Variants in SCAND3 observed in about 807,000 individuals in gnomAD.
SCAND3 encodes SCAN domain containing 3.
At chr6:28,576,768 C>CT in the SCAND3 span, among the ~76,000 whole-genome samples, 959 of 141,156 alleles carry the variant, frequency 6.8e-3, 7 homozygotes, top group African/African-American at 0.017. Flanking sequence ...TATGCAAAGA[C>CT]TTTTTTTTTT....
chr6:28,611,197 G>A, the SCAND3 span, among the ~76,000 whole-genome samples: 6 of 152,222 alleles, frequency 3.9e-5, no homozygotes, highest in South Asian at 4.1e-4. Flanking sequence ...ACAAGTCCTG[G>A]TATACACTAC....
At chr6:28,607,998 A>G in the SCAND3 span, among the ~76,000 whole-genome samples, 1 of 152,316 alleles carries the variant, frequency 6.6e-6, no homozygotes, top group Admixed American at 6.5e-5. Context: ...TCCTCTGAGG[A>G]GGAAAGCCTC....
At chr6:28,579,161 T>A in the SCAND3 span, 1 of 988,952 alleles carries the variant, frequency 1.0e-6, no homozygotes, top group African/African-American at 1.6e-5. This position sits in a 1 kb window ranked among gnomAD's most constrained non-coding sequence, Gnocchi z 4.5. Context: ...TTCCTTCAAC[T>A]ATTAATACAT....
the SCAND3 span, among the ~76,000 whole-genome samples, chr6:28,603,102 A>T: frequency 6.6e-6 from 1 of 151,532 alleles, no homozygotes; most frequent in Non-Finnish European, 1.5e-5. Context: ...AGCTGGGACT[A>T]CAGGTGCCCC....
the SCAND3 span, chr6:28,585,347 G>A: frequency 6.6e-6 from 1 of 152,170 alleles, no homozygotes; most frequent in East Asian, 1.9e-4. Flanking sequence ...CACAAAGATG[G>A]GAGGGAACAA....
chr6:28,572,958 T>C, the SCAND3 span: 1 of 1,614,028 alleles, frequency 6.2e-7, no homozygotes, highest in South Asian at 1.1e-5. This position sits in a 1 kb window ranked among gnomAD's most constrained non-coding sequence, Gnocchi z 4.1. Flanking sequence ...AATGTTTTCC[T>C]GTCATTGAAG....
At chr6:28,593,277 T>C in the SCAND3 span, among the ~76,000 whole-genome samples, 4 of 151,894 alleles carry the variant, frequency 2.6e-5, no homozygotes, top group South Asian at 4.1e-4. Context: ...CAAAAGAAGA[T>C]ATACAAATGG....
chr6:28,609,480 T>C, the SCAND3 span, among the ~76,000 whole-genome samples: 8 of 152,196 alleles, frequency 5.3e-5, no homozygotes, highest in Non-Finnish European at 8.8e-5. Context: ...GATAAACATA[T>C]AGTTGATGAG....
At chr6:28,605,658 C>T in the SCAND3 span, among the ~76,000 whole-genome samples, 1 of 146,452 alleles carries the variant, frequency 6.8e-6, no homozygotes, top group Non-Finnish European at 1.5e-5. Flanking sequence ...ATGGTGAAAC[C>T]CCGCCTCTAC....
At chr6:28,615,845 A>G in the SCAND3 span, among the ~76,000 whole-genome samples, 1 of 152,172 alleles carries the variant, frequency 6.6e-6, no homozygotes, top group African/African-American at 2.4e-5. Flanking sequence ...TCTCCATTTC[A>G]AAAAGTCATC....
At chr6:28,589,059 C>T in the SCAND3 span, among the ~76,000 whole-genome samples, 1 of 152,140 alleles carries the variant, frequency 6.6e-6, no homozygotes, top group African/African-American at 2.4e-5. Context: ...CCTTAGAGTA[C>T]CCATAATTTT....
the SCAND3 span, among the ~76,000 whole-genome samples, chr6:28,598,816 G>A: frequency 6.9e-6 from 1 of 145,754 alleles, no homozygotes; most frequent in Admixed American, 7.0e-5. Flanking sequence ...AGTGGAAGTT[G>A]CAGTGAGCTG....
the SCAND3 span, among the ~76,000 whole-genome samples, chr6:28,600,465 A>G: frequency 6.6e-6 from 1 of 152,030 alleles, no homozygotes; most frequent in Non-Finnish European, 1.5e-5. Flanking sequence ...AACCCCCATC[A>G]CTACTAAAAA....
chr6:28,573,246 C>G, the SCAND3 span: 1 of 1,614,024 alleles, frequency 6.2e-7, no homozygotes, highest in South Asian at 1.1e-5. Context: ...TATCATTAGC[C>G]AGTTCCTGAA....
the SCAND3 span, chr6:28,597,735 T>C: frequency 6.6e-6 from 1 of 152,264 alleles, no homozygotes. Context: ...TGGCTCCAGC[T>C]AGCTCCTCTG....
chr6:28,613,135 G>A, the SCAND3 span, among the ~76,000 whole-genome samples: 37 of 152,036 alleles, frequency 2.4e-4, no homozygotes, highest in African/African-American at 8.9e-4. Flanking sequence ...CACAATATGC[G>A]CAGTATAGCA....
chr6:28,586,703 A>G, the SCAND3 span: 1 of 1,613,362 alleles, frequency 6.2e-7, no homozygotes. This position sits in a 1 kb window ranked among gnomAD's most constrained non-coding sequence, Gnocchi z 4.4. Context: ...GGAAGACCCT[A>G]GAGACTGCTT....
chr6:28,599,308 C>T, the SCAND3 span, among the ~76,000 whole-genome samples: 1 of 152,176 alleles, frequency 6.6e-6, no homozygotes, highest in Non-Finnish European at 1.5e-5. Flanking sequence ...AAAAAACAAA[C>T]GAACTCGAAA....
the SCAND3 span, chr6:28,573,620 G>T: frequency 6.2e-7 from 1 of 1,612,964 alleles, no homozygotes; most frequent in Non-Finnish European, 8.5e-7. Context: ...ATACACTGTG[G>T]TTTTAGTACT....
Sources: gnomAD v4.1 joint callset for allele counts (sites outside exome capture counted in the v4.1 genomes callset) on GRCh38, gnomAD v4.1.1 for gene constraint, Gnocchi (gnomAD v3.1) non-coding constraint, MANE v1.5 for transcripts, NCBI Gene and HGNC (gene_info 2026-07-23, HGNC 2026-07-21) for gene names.